The following PCDH9 variants were observed in gnomAD, a reference collection of about 807,000 sequenced individuals.
The protein encoded by PCDH9 is protocadherin 9.
Under a neutral mutation model 70.6 loss-of-function variants are expected in PCDH9, and 24 were observed. That is an observed-to-expected ratio of 0.34 (90% CI 0.25 to 0.48). PCDH9 has a LOEUF of 0.48. Ranked by LOEUF, PCDH9 falls within the 20% of genes least tolerant of loss-of-function variation. PCDH9 has a pLI of 0.99. For synonymous variants in PCDH9, 562 were observed against 558.5 expected (o/e 1.01, Z -0.09); for missense variants, 1,281 against 1,503.6 (o/e 0.85, Z 2.45).
At chr13:66,539,048 T>C (rs1483164452) in intron 4 of PCDH9, among the ~76,000 whole-genome samples, 1 of 152,036 alleles carries the variant, frequency 6.6e-6, no homozygotes, top group African/African-American at 2.4e-5. Flanking sequence ...TTGCAGAAAA[T>C]AGAAGCAAAA....
At chr13:66,699,997 C>G (rs2078616197) in intron 3 of PCDH9, among the ~76,000 whole-genome samples, 1 of 151,794 alleles carries the variant, frequency 6.6e-6, no homozygotes, top group African/African-American at 2.4e-5. Context: ...AAAAATTATA[C>G]AATATTATCT....
intron 3 of PCDH9, among the ~76,000 whole-genome samples, chr13:66,846,375 C>T (rs1477758044): frequency 1.3e-5 from 2 of 152,248 alleles, no homozygotes; most frequent in Admixed American, 6.5e-5. Context: ...ATTTCAATCT[C>T]GCTGACTGAT....
At chr13:66,720,026 T>C (rs1478502967) in intron 3 of PCDH9, among the ~76,000 whole-genome samples, 1 of 152,230 alleles carries the variant, frequency 6.6e-6, no homozygotes, top group African/African-American at 2.4e-5. Context: ...TCAGATTAAC[T>C]GTTGATCACC....
chr13:66,509,378 C>A (rs1051786606), intron 4 of PCDH9, among the ~76,000 whole-genome samples: 3 of 152,058 alleles, frequency 2.0e-5, no homozygotes, highest in African/African-American at 7.2e-5. Context: ...AGGTTATGAG[C>A]CTAACTTCTT....
At chr13:66,382,107 G>A (rs1328007053) in intron 4 of PCDH9, among the ~76,000 whole-genome samples, 2 of 152,144 alleles carry the variant, frequency 1.3e-5, no homozygotes, top group African/African-American at 4.8e-5. Context: ...TAGATGAATA[G>A]AGGAAAAGTA....
chr13:66,623,793 A>G (rs1216889589), intron 4 of PCDH9, among the ~76,000 whole-genome samples: 1 of 152,204 alleles, frequency 6.6e-6, no homozygotes, highest in Non-Finnish European at 1.5e-5. Flanking sequence ...GTTTACTTAT[A>G]ATACTATCTA....
intron 4 of PCDH9, among the ~76,000 whole-genome samples, chr13:66,387,587 G>A (rs902623654): frequency 4.8e-5 from 7 of 146,660 alleles, no homozygotes; most frequent in Admixed American, 2.1e-4. Flanking sequence ...TCCTTTCTCC[G>A]TCTCATCCTT....
intron 2 of PCDH9, among the ~76,000 whole-genome samples, chr13:67,113,912 C>T (rs140289878): frequency 6.6e-6 from 1 of 152,248 alleles, no homozygotes; most frequent in East Asian, 1.9e-4. Flanking sequence ...CTTCTTTTAC[C>T]GGCTGGAGCT....
intron 2 of PCDH9, among the ~76,000 whole-genome samples, chr13:67,118,670 CA>C (rs1776753109): frequency 6.6e-6 from 1 of 152,068 alleles, no homozygotes; most frequent in South Asian, 2.1e-4. Flanking sequence ...CAAGTGGTCA[CA>C]GTTTTTTGCA....
intron 4 of PCDH9, among the ~76,000 whole-genome samples, chr13:66,482,235 T>A (rs75064720): frequency 6.6e-6 from 1 of 152,340 alleles, no homozygotes; most frequent in African/African-American, 2.4e-5. Flanking sequence ...TCAAAAATGT[T>A]CTCAAGAGCC....
intron 4 of PCDH9, among the ~76,000 whole-genome samples, chr13:66,629,710 A>G (rs2077545028): frequency 6.6e-6 from 1 of 152,186 alleles, no homozygotes; most frequent in Admixed American, 6.5e-5. Context: ...GCTGGCAGGG[A>G]GCTTAGATAC....
At chr13:66,807,227 C>G (rs916830949) in intron 3 of PCDH9, among the ~76,000 whole-genome samples, 1 of 152,182 alleles carries the variant, frequency 6.6e-6, no homozygotes, top group African/African-American at 2.4e-5. Flanking sequence ...AGTTTTGTCA[C>G]TCCACCACCA....
chr13:66,861,341 GTC>G (rs1477651987), intron 3 of PCDH9, among the ~76,000 whole-genome samples: 1 of 152,178 alleles, frequency 6.6e-6, no homozygotes, highest in Non-Finnish European at 1.5e-5. Context: ...TGATTGCAGT[GTC>G]TAAGGAACAA....
intron 4 of PCDH9, among the ~76,000 whole-genome samples, chr13:66,486,572 G>A (rs1285031241): frequency 6.7e-6 from 1 of 149,924 alleles, no homozygotes; most frequent in East Asian, 2.0e-4. Flanking sequence ...GGAGGTTGAA[G>A]CTACAGTAGG....
At chr13:66,871,030 C>T (rs991232029) in intron 3 of PCDH9, among the ~76,000 whole-genome samples, 5 of 152,086 alleles carry the variant, frequency 3.3e-5, no homozygotes, top group African/African-American at 4.8e-5. Flanking sequence ...AAATGTGGCA[C>T]ATATACACCA....
At position 66,362,220 on chromosome 13, in the gene PCDH9, A is replaced by C. The variant is rs187761861; in HGVS notation, c.3341-57192T>G. 1.4e-3 allele frequency among the ~76,000 whole-genome samples: 220 copies of C among 152,270 alleles called. 1 individual carries two copies. Among genetic ancestry groups the C allele is most frequent in the African/African-American group, 5.1e-3 (210 of 41,574 alleles). On this transcript the variant is annotated intron_variant, in intron 4 of 4. Coordinates refer to ENST00000377865, the MANE Select transcript of PCDH9 (RefSeq NM_203487.3). ...ACCTGTATGTTTTAACAGTGATTTA[A>C]AATCTTTTATGGGTTTAAACTCAGT... is the stretch of plus-strand genomic sequence containing the variant.
chr13:66,826,825 A>G (rs1180297729), intron 3 of PCDH9, among the ~76,000 whole-genome samples: 1 of 152,192 alleles, frequency 6.6e-6, no homozygotes, highest in Non-Finnish European at 1.5e-5. Context: ...AGAAAAAACA[A>G]CAGAGAAACT....
At chr13:67,031,307 T>C (rs185658216) in intron 2 of PCDH9, among the ~76,000 whole-genome samples, 3 of 152,338 alleles carry the variant, frequency 2.0e-5, no homozygotes, top group Admixed American at 2.0e-4. Context: ...TTCTACAATT[T>C]ACCATAATAA....
intron 4 of PCDH9, among the ~76,000 whole-genome samples, chr13:66,320,619 C>A (rs1280972826): frequency 6.6e-6 from 1 of 151,922 alleles, no homozygotes; most frequent in Non-Finnish European, 1.5e-5. Flanking sequence ...GTAAATGGAA[C>A]ACCAAGAAAC....
Sources: allele counts gnomAD v4.1 joint callset (sites outside exome capture counted in the v4.1 genomes callset), GRCh38; gene constraint gnomAD v4.1.1; transcripts MANE v1.5; gene names NCBI Gene and HGNC (gene_info 2026-07-23, HGNC 2026-07-21).